The following OR14I1 variants were observed in gnomAD, a reference collection of about 807,000 sequenced individuals.
OR14I1 encodes olfactory receptor family 14 subfamily I member 1, also known as olfactory receptor 14I1.
For synonymous variants in OR14I1, 118 were observed against 71.1 expected (o/e 1.66, Z -3.32); for missense variants, 279 against 181.8 (o/e 1.53, Z -3.07).
downstream of OR14I1, among the ~76,000 whole-genome samples, chr1:248,679,968 C>T (rs1661530858): frequency 6.6e-6 from 1 of 152,068 alleles, no homozygotes; most frequent in Non-Finnish European, 1.5e-5. Flanking sequence ...GAATTATAAA[C>T]AATATTTAAT....
the OR14I1 span, among the ~76,000 whole-genome samples, chr1:248,693,912 A>AC: frequency 6.6e-6 from 1 of 152,034 alleles, no homozygotes; most frequent in African/African-American, 2.4e-5. Context: ...AAAAAAAAAA[A>AC]AAAACCATTT....
the OR14I1 span, among the ~76,000 whole-genome samples, chr1:248,689,162 G>A: frequency 2.0e-5 from 3 of 152,164 alleles, no homozygotes; most frequent in South Asian, 2.1e-4. Context: ...CATAGCTGGC[G>A]TATTATAAAG....
the OR14I1 span, among the ~76,000 whole-genome samples, chr1:248,693,425 T>C: frequency 6.6e-6 from 1 of 152,188 alleles, no homozygotes; most frequent in Admixed American, 6.5e-5. Context: ...CCCTGCCCCA[T>C]ACTGGTGGAC....
upstream of OR14I1, chr1:248,682,336 G>C (rs1661583129): frequency 1.4e-6 from 1 of 703,670 alleles, no homozygotes; most frequent in Admixed American, 2.2e-5. Flanking sequence ...TGATTGTTGA[G>C]AAAAAATATA....
chr1:248,697,381 G>A, the OR14I1 span, among the ~76,000 whole-genome samples: 1 of 150,206 alleles, frequency 6.7e-6, no homozygotes, highest in African/African-American at 2.5e-5. Context: ...TTTTTGAATT[G>A]ATACATGTAT....
chr1:248,682,135 AT>A lies in OR14I1; in HGVS notation c.169del (p.Met57CysfsTer5). ...GGAGAGGTTCTTCAGGAAGAAGTAC[AT>A]GGGTGTGTGAAGATGCTGATCGAGA... On this transcript the variant is annotated frameshift_variant, in exon 1 of 1. Transcript: ENST00000342623. LOFTEE classifies it low-confidence loss of function (END_TRUNC). 2 of 781,088 alleles carry A rather than the reference AT, an allele frequency of 2.6e-6. No individual in the cohort carries two copies. Among genetic ancestry groups the A allele is most frequent in the Non-Finnish European group, 4.8e-6 (2 of 418,116 alleles). The allele number at this position is 781,088 out of a possible 1,614,324, so 48.4% of individuals were successfully genotyped here.
chr1:248,684,736 A>G (rs1270444723), upstream of OR14I1, among the ~76,000 whole-genome samples: 2 of 130,888 alleles, frequency 1.5e-5, no homozygotes, highest in African/African-American at 5.5e-5. Flanking sequence ...GCAGTGCATT[A>G]TTTATAAATA....
the OR14I1 span, among the ~76,000 whole-genome samples, chr1:248,687,744 T>C: frequency 2.9e-4 from 44 of 152,302 alleles, no homozygotes; most frequent in African/African-American, 9.6e-4. Flanking sequence ...AGGAGCAAAG[T>C]AGAAAAATCA....
chr1:248,690,787 AAAG>A, the OR14I1 span, among the ~76,000 whole-genome samples: 24 of 152,140 alleles, frequency 1.6e-4, no homozygotes, highest in Admixed American at 9.2e-4. Flanking sequence ...AAAAAAAAAA[AAAG>A]AAAGAAAATT....
chr1:248,692,733 C>T, the OR14I1 span: 2 of 152,304 alleles, frequency 1.3e-5, no homozygotes, highest in Non-Finnish European at 2.9e-5. Flanking sequence ...AACTGACTGC[C>T]TGGCCTCAGG....
the OR14I1 span, among the ~76,000 whole-genome samples, chr1:248,691,127 C>G: frequency 1.5e-4 from 23 of 152,298 alleles, no homozygotes; most frequent in African/African-American, 4.8e-4. Context: ...AGAATTAGAG[C>G]TTCTGCAGCT....
At chr1:248,679,010 G>A (rs1008891730), downstream of OR14I1, among the ~76,000 whole-genome samples, 1 of 152,176 alleles carries the variant, frequency 6.6e-6, no homozygotes. Flanking sequence ...TAGGAGGCTT[G>A]TCTAAAATTT....
At chr1:248,700,250 A>C in the OR14I1 span, among the ~76,000 whole-genome samples, 1 of 152,228 alleles carries the variant, frequency 6.6e-6, no homozygotes, top group African/African-American at 2.4e-5. Context: ...TATTTTTTAA[A>C]ATAACTGAAG....
At chr1:248,696,855 A>G in the OR14I1 span, among the ~76,000 whole-genome samples, 1 of 152,116 alleles carries the variant, frequency 6.6e-6, no homozygotes, top group Non-Finnish European at 1.5e-5. Flanking sequence ...GGATTTTTAT[A>G]GTAACTCTAG....
the OR14I1 span, among the ~76,000 whole-genome samples, chr1:248,699,884 A>G: frequency 2.2e-4 from 34 of 152,168 alleles, no homozygotes. Context: ...CAGCCTCCCA[A>G]GTAGCTGGGA....
At chr1:248,684,325 T>C (rs1254393501), upstream of OR14I1, among the ~76,000 whole-genome samples, 1 of 152,234 alleles carries the variant, frequency 6.6e-6, no homozygotes, top group Admixed American at 6.5e-5. Flanking sequence ...GTCTGGCAAG[T>C]AAAGTCTCGA....
the OR14I1 span, among the ~76,000 whole-genome samples, chr1:248,702,256 G>A: frequency 0.16 from 24,981 of 152,052 alleles, 2,419 homozygotes; most frequent in African/African-American, 0.27. Flanking sequence ...AGGCAAGAAA[G>A]TTCCTTCCAC....
downstream of OR14I1, among the ~76,000 whole-genome samples, chr1:248,681,108 C>T (rs531057752): frequency 1.4e-4 from 21 of 152,000 alleles, no homozygotes; most frequent in South Asian, 4.4e-3. Context: ...GAATAAATCA[C>T]CACAACAAGC....
At chr1:248,698,236 A>G in the OR14I1 span, among the ~76,000 whole-genome samples, 2 of 152,250 alleles carry the variant, frequency 1.3e-5, no homozygotes, top group East Asian at 3.8e-4. Context: ...TTGCTTTAAA[A>G]TAGCAATCAC....
Sources: gnomAD v4.1 joint callset for allele counts (sites outside exome capture counted in the v4.1 genomes callset) on GRCh38, gnomAD v4.1.1 for gene constraint, MANE v1.5 for transcripts, NCBI Gene and HGNC (gene_info 2026-07-23, HGNC 2026-07-21) for gene names.